ECPAS: variants seen among roughly 807,000 people sequenced by gnomAD.
ECPAS encodes proteasome adapter and scaffold protein ECM29.
In ECPAS, 70 loss-of-function variants were observed where a neutral mutation model predicts 255.1. The ratio of observed to expected loss-of-function variants is 0.27; its 90% CI spans 0.23 to 0.33. ECPAS has a LOEUF of 0.33. ECPAS is among the 10% of genes least tolerant of loss of function. The pLI is 1.00. For missense variants in ECPAS, 1,817 were observed against 2,206.4 expected, an observed-to-expected ratio of 0.82 and a Z score of 3.54; for synonymous variants, 784 against 775.0, an observed-to-expected ratio of 1.01 and a Z score of -0.19.
chr9:111,365,186 A>G (rs2098118726), intron 48 of ECPAS, among the ~76,000 whole-genome samples: 2 of 152,050 alleles, frequency 1.3e-5, no homozygotes, highest in South Asian at 4.2e-4. Context: ...CAGGAGAATC[A>G]CTTAAACCCA....
chr9:111,410,466 A>T (rs1240298647), intron 22 of ECPAS, among the ~76,000 whole-genome samples: 6 of 149,336 alleles, frequency 4.0e-5, no homozygotes, highest in African/African-American at 1.5e-4. Context: ...CATGTAGGAA[A>T]AAAATGTAGA....
At chr9:111,395,075 G>A (rs1252957811) in intron 25 of ECPAS, among the ~76,000 whole-genome samples, 2 of 152,152 alleles carry the variant, frequency 1.3e-5, no homozygotes, top group Non-Finnish European at 2.9e-5. Flanking sequence ...TCTATTGGCA[G>A]TACATGACAT....
In ECPAS at chr9:111,412,231, C is replaced by T. The variant is rs765931562; in HGVS notation, c.2080-83G>A. ...ACAACATCTTTTAAAATTAAAAGAA[C>T]GTTCAATCTGTTGATGGATATTGAG... On this transcript the variant is annotated intron_variant, in intron 20 of 49. Transcript: ENST00000684092. 5 of 1,191,742 alleles carry T rather than the reference C, an allele frequency of 4.2e-6. No homozygotes were observed. The African/African-American group carries it at 6.6e-5, about 16-fold the overall frequency. The allele number at this position is 1,191,742 out of a possible 1,614,324, so 73.8% of individuals were successfully genotyped here.
chr9:111,405,826 A>C lies in ECPAS; in HGVS notation c.2652+2745T>G, dbSNP rs969748444. ...CTGATCATGATAGAAATACAGAGAA[A>C]AACCACAATGAGATCTCATCTCACC... On this transcript the variant is annotated intron_variant, in intron 24 of 49. Transcript: ENST00000684092. 9.3e-5 allele frequency among the ~76,000 whole-genome samples: 14 copies of C among 149,826 alleles called. 1 individual carries two copies. The highest frequency in any genetic ancestry group is 3.2e-3 in the Middle Eastern group (1 of 316).
intron 25 of ECPAS, 38 bp downstream of exon 25, chr9:111,396,991 AC>A (rs1447679617): frequency 6.2e-7 from 1 of 1,612,442 alleles, no homozygotes; most frequent in African/African-American, 1.3e-5. Context: ...AAAAAAGGTT[AC>A]TTGATCATTA....
At chr9:111,442,531 G>A in intron 4 of ECPAS, 107 bp from the exon 5 acceptor site, 1 of 736,842 alleles carries the variant, frequency 1.4e-6, no homozygotes, top group Non-Finnish European at 2.2e-6. Context: ...CAAAGACATT[G>A]TAAACGTGAC....
intron 13 of ECPAS, 122 bp downstream of exon 13, chr9:111,423,077 T>C (rs1175257924): frequency 7.0e-5 from 49 of 700,118 alleles, no homozygotes; most frequent in Non-Finnish European, 9.8e-6. Flanking sequence ...AAACAACCTA[T>C]GACCATTAAA....
rs200879793 is a variant in ECPAS at position 111,422,049 on chromosome 9, A to C, written c.1333-6T>G. The C allele has an allele frequency of 2.7e-4, 433 of 1,613,470 alleles. No individual in the cohort carries two copies. Among genetic ancestry groups the C allele is most frequent in the Non-Finnish European group, 3.5e-4 (416 of 1,179,740 alleles). On this transcript the variant is annotated splice_region_variant and splice_polypyrimidine_tract_variant and intron_variant, in intron 14 of 49. Transcript: ENST00000684092. The stretch of plus-strand genomic sequence containing the variant: ...AGTCGAGTCTCAGGCTCTTCCTATA[A>C]AGATGATAAAAATGTTTCCCTCCTT...
intron 2 of ECPAS, among the ~76,000 whole-genome samples, chr9:111,461,153 T>C (rs910642144): frequency 1.3e-5 from 2 of 152,016 alleles, no homozygotes; most frequent in Admixed American, 1.3e-4. Context: ...AAGACTTTGG[T>C]CAAATTTCAA....
chr9:111,474,557 C>G (rs996299447), intron 1 of ECPAS, among the ~76,000 whole-genome samples: 1 of 152,132 alleles, frequency 6.6e-6, no homozygotes, highest in East Asian at 1.9e-4. Context: ...CACCTGTTAC[C>G]CGTACAAAAC....
intron 7 of ECPAS, among the ~76,000 whole-genome samples, 174 bp from the exon 8 acceptor site, chr9:111,433,546 A>C (rs548928469): frequency 1.3e-5 from 2 of 152,348 alleles, no homozygotes; most frequent in South Asian, 4.1e-4. Context: ...ACATATATTC[A>C]TAATTTCACT....
intron 2 of ECPAS, among the ~76,000 whole-genome samples, chr9:111,462,047 T>C (rs1166518229): frequency 1.3e-5 from 2 of 152,184 alleles, no homozygotes; most frequent in Non-Finnish European, 2.9e-5. Context: ...AGATGAGATT[T>C]GGACGGGGAC....
chr9:111,407,456 T>TCA (rs1365157262), intron 24 of ECPAS, among the ~76,000 whole-genome samples: 1 of 88,342 alleles, frequency 1.1e-5, no homozygotes, highest in Non-Finnish European at 2.4e-5. Flanking sequence ...GAAACCCACC[T>TCA]CACTCAGGGA....
intron 6 of ECPAS, among the ~76,000 whole-genome samples, chr9:111,437,477 G>A (rs544172829): frequency 3.3e-5 from 5 of 152,246 alleles, no homozygotes; most frequent in African/African-American, 9.6e-5. Context: ...GGGACTGGGA[G>A]GAGCTATTGC....
At chr9:111,421,864 T>A in intron 15 of ECPAS, 57 bp downstream of exon 15, 1 of 1,575,020 alleles carries the variant, frequency 6.3e-7, no homozygotes, top group Non-Finnish European at 8.6e-7. Context: ...ATTCAAATTT[T>A]GTTCTTAAAA....
chr9:111,397,957 T>C (rs1445511600), intron 24 of ECPAS, among the ~76,000 whole-genome samples: 4 of 152,224 alleles, frequency 2.6e-5, no homozygotes, highest in Non-Finnish European at 5.9e-5. Flanking sequence ...TTCAGAAATG[T>C]TGACATGATT....
Position 111,451,411 on chromosome 9 carries a change from C to T in ECPAS, c.153+14G>A. The T allele has an allele frequency of 6.4e-7, 1 of 1,562,268 alleles. No individual in the cohort carries two copies. Among genetic ancestry groups the T allele is most frequent in the South Asian group, 1.2e-5 (1 of 83,832 alleles). On this transcript the variant is annotated intron_variant, in intron 3 of 49. Coordinates refer to ENST00000684092, the MANE Select transcript of ECPAS (RefSeq NM_001364929.1). The stretch of plus-strand genomic sequence containing the variant: ...TTCATCATTTAATTCCCCCAGCTGT[C>T]CCAACATGCTTACCTTTTTACGTAC...
chr9:111,370,478 C>CT lies in ECPAS; in HGVS notation c.4930dup (p.Arg1644LysfsTer7). ...GACAATGTTAGAGAACTCCTGGAATCTGTCCTCTTTGGTGGCCTTCAAGAT... is the reference window on the plus strand; with the variant it reads ...GACAATGTTAGAGAACTCCTGGAATCTTGTCCTCTTTGGTGGCCTTCAAGAT... On this transcript the variant is annotated frameshift_variant, in exon 45 of 50. Coordinates refer to ENST00000684092, the MANE Select transcript of ECPAS (RefSeq NM_001364929.1). LOFTEE classifies it high-confidence loss of function. 1 of 1,610,066 alleles carries CT rather than the reference C, an allele frequency of 6.2e-7. No homozygotes were observed. The highest frequency in any genetic ancestry group is 8.5e-7 in the Non-Finnish European group (1 of 1,178,058).
chr9:111,471,099 A>T (rs1248467197), intron 2 of ECPAS, among the ~76,000 whole-genome samples: 1 of 152,232 alleles, frequency 6.6e-6, no homozygotes, highest in Non-Finnish European at 1.5e-5. Context: ...TACTTAGAAC[A>T]ATGCTCATAT....
Sources: gnomAD v4.1 joint callset for allele counts (sites outside exome capture counted in the v4.1 genomes callset) on GRCh38, gnomAD v4.1.1 for gene constraint, MANE v1.5 for transcripts, NCBI Gene and HGNC (gene_info 2026-07-23, HGNC 2026-07-21) for gene names.